Variants in RTL4 observed in about 807,000 individuals in gnomAD.
RTL4 encodes retrotransposon Gag like 4.
Under a neutral mutation model 5.3 loss-of-function variants are expected in RTL4, and 4 were observed. The observed-to-expected ratio is 0.75, with a 90% CI of 0.37 to 1.72. RTL4 has a LOEUF of 1.72. RTL4 is among the 40% of genes most tolerant of loss of function. RTL4 has a pLI of 0.04. For synonymous variants in RTL4, 98 were observed against 87.3 expected, an observed-to-expected ratio of 1.12 and a Z score of -0.68; for missense variants, 260 against 227.1, an observed-to-expected ratio of 1.14 and a Z score of -0.93.
the RTL4 span, among the ~76,000 whole-genome samples, chrX:112,337,129 C>A: frequency 2.7e-5 from 3 of 111,801 alleles, no homozygotes; most frequent in East Asian, 8.5e-4. Flanking sequence ...AAATGTCTCT[C>A]AAAGTATGTC....
chrX:112,325,401 T>C, the RTL4 span, among the ~76,000 whole-genome samples: 1 of 111,779 alleles, frequency 8.9e-6, no homozygotes, highest in African/African-American at 3.3e-5. Flanking sequence ...CTTCAAACTA[T>C]ACTACAAGGC....
the RTL4 span, among the ~76,000 whole-genome samples, chrX:112,391,618 T>C: frequency 9.3e-6 from 1 of 108,025 alleles, no homozygotes; most frequent in Non-Finnish European, 1.9e-5. Context: ...TGGGGTGTGA[T>C]CTAGTAGGTG....
the RTL4 span, among the ~76,000 whole-genome samples, chrX:112,282,277 A>C: frequency 2.1e-4 from 23 of 112,111 alleles, no homozygotes; most frequent in African/African-American, 6.8e-4. Context: ...GACCTTTGTT[A>C]AAAATCAATT....
At chrX:112,262,117 C>A in the RTL4 span, among the ~76,000 whole-genome samples, 6 of 111,913 alleles carry the variant, frequency 5.4e-5, no homozygotes, top group African/African-American at 2.0e-4. Context: ...CAATACCATT[C>A]AGGGCATAGG....
At chrX:112,412,509 C>T in the RTL4 span, among the ~76,000 whole-genome samples, 2 of 111,174 alleles carry the variant, frequency 1.8e-5, no homozygotes, top group Non-Finnish European at 3.8e-5. Flanking sequence ...CAACAGACAC[C>T]TGGACCAATC....
the RTL4 span, among the ~76,000 whole-genome samples, chrX:112,168,354 A>G: frequency 1.1e-4 from 12 of 112,173 alleles, no homozygotes; most frequent in Non-Finnish European, 2.1e-4. Flanking sequence ...GCCATCTTCA[A>G]CAACATTGTT....
At chrX:112,353,693 G>C in the RTL4 span, among the ~76,000 whole-genome samples, 3 of 110,091 alleles carry the variant, frequency 2.7e-5, no homozygotes, top group Non-Finnish European at 5.7e-5. Flanking sequence ...TGGGGTATGG[G>C]GAGTGGGGAG....
chrX:112,257,591 T>C, the RTL4 span, among the ~76,000 whole-genome samples: 2 of 110,397 alleles, frequency 1.8e-5, no homozygotes, highest in Non-Finnish European at 1.9e-5. Context: ...ATTCAGTGGC[T>C]TGTGAGGTCC....
At chrX:112,454,642 C>G in exon 1 of RTL4, 1 of 911,180 alleles carries the variant, frequency 1.1e-6, no homozygotes, top group East Asian at 3.1e-5. Flanking sequence ...CACTCCGTCT[C>G]TGATCACAGA....
chrX:112,239,611 C>T, the RTL4 span, among the ~76,000 whole-genome samples: 1 of 111,390 alleles, frequency 9.0e-6, no homozygotes, highest in Non-Finnish European at 1.9e-5. Context: ...TCAGTGTCAG[C>T]AGGGCCCAGT....
chrX:112,321,954 T>C, the RTL4 span, among the ~76,000 whole-genome samples: 1 of 112,184 alleles, frequency 8.9e-6, no homozygotes, highest in East Asian at 2.8e-4. Flanking sequence ...AAATCTTCTT[T>C]TAGAAACTCC....
At chrX:112,448,005 G>A in the RTL4 span, among the ~76,000 whole-genome samples, 1 of 111,228 alleles carries the variant, frequency 9.0e-6, no homozygotes. Context: ...CTTGACCAGG[G>A]GCACAGATTG....
the RTL4 span, among the ~76,000 whole-genome samples, chrX:112,437,895 A>G: frequency 1.8e-5 from 2 of 108,306 alleles, no homozygotes; most frequent in Non-Finnish European, 3.8e-5. Context: ...TGACATCCAT[A>G]TCCATCAGAT....
chrX:112,212,143 G>A, the RTL4 span, among the ~76,000 whole-genome samples: 13 of 112,302 alleles, frequency 1.2e-4, no homozygotes, highest in Admixed American at 2.8e-4. Flanking sequence ...TTGGGAGGCC[G>A]AGGCGGGCGG....
At chrX:112,162,238 T>C in the RTL4 span, among the ~76,000 whole-genome samples, 2 of 111,475 alleles carry the variant, frequency 1.8e-5, no homozygotes, top group East Asian at 2.8e-4. Context: ...TGTTTCACTA[T>C]GAATCAACCC....
the RTL4 span, chrX:112,381,633 A>T: frequency 8.3e-7 from 1 of 1,206,525 alleles, no homozygotes; most frequent in Non-Finnish European, 1.1e-6. Context: ...AGGTGTGCCG[A>T]ACAAATTTCA....
At chrX:112,170,006 TA>T in the RTL4 span, among the ~76,000 whole-genome samples, 1 of 112,435 alleles carries the variant, frequency 8.9e-6, no homozygotes, top group African/African-American at 3.2e-5. Context: ...CACCATTTAT[TA>T]AATAGAGAAT....
chrX:112,424,953 G>A, the RTL4 span, among the ~76,000 whole-genome samples: 1 of 110,735 alleles, frequency 9.0e-6, no homozygotes, highest in Non-Finnish European at 1.9e-5. Flanking sequence ...AAAGTCCATG[G>A]TTGACATTAG....
chrX:112,235,185 G>C, the RTL4 span, among the ~76,000 whole-genome samples: 90 of 111,888 alleles, frequency 8.0e-4, no homozygotes, highest in African/African-American at 2.7e-3. Context: ...TTCTTTAAGA[G>C]TCACCACTTT....
Sources: gnomAD v4.1 joint callset for allele counts (sites outside exome capture counted in the v4.1 genomes callset) on GRCh38, gnomAD v4.1.1 for gene constraint, MANE v1.5 for transcripts, NCBI Gene and HGNC (gene_info 2026-07-23, HGNC 2026-07-21) for gene names.